PHF24: variants seen among roughly 807,000 people sequenced by gnomAD.
The protein encoded by PHF24 is PHD finger protein 24.
Under a neutral mutation model 42.6 loss-of-function variants are expected in PHF24, and 25 were observed. That is an observed-to-expected ratio of 0.59 (90% CI 0.43 to 0.82). PHF24 has a LOEUF of 0.82. PHF24 is among the 40% of genes least tolerant of loss of function. The pLI, the probability that PHF24 is intolerant of heterozygous loss-of-function variation, is 0.00. For missense variants in PHF24, 470 were observed against 538.1 expected (o/e 0.87, Z 1.25); for synonymous variants, 185 against 204.8 (o/e 0.90, Z 0.83).
At chr9:34,758,243 G>T in the PHF24 span, among the ~76,000 whole-genome samples, 1,859 of 152,260 alleles carry the variant, frequency 0.012, 29 homozygotes, top group African/African-American at 0.042. The surrounding 1 kb of genome is among the most constrained non-coding windows in gnomAD (Gnocchi z 4.4). Flanking sequence ...CCTTGGGCAG[G>T]AACAGGGTAA....
At chr9:34,725,904 C>T in the PHF24 span, 2 of 1,552,080 alleles carry the variant, frequency 1.3e-6, no homozygotes, top group Non-Finnish European at 1.7e-6. Flanking sequence ...ATGAAAGTGG[C>T]AACCAGGGAC....
the PHF24 span, among the ~76,000 whole-genome samples, chr9:34,733,121 A>T: frequency 6.6e-6 from 1 of 151,870 alleles, no homozygotes; most frequent in Non-Finnish European, 1.5e-5. Context: ...CAATTGTATG[A>T]ATTTGCACTC....
the PHF24 span, among the ~76,000 whole-genome samples, chr9:34,795,282 G>A: frequency 1.3e-5 from 2 of 151,700 alleles, no homozygotes; most frequent in South Asian, 4.2e-4. Context: ...ATGGACACCA[G>A]AAGAAAATGA....
the PHF24 span, among the ~76,000 whole-genome samples, chr9:34,907,288 C>G: frequency 1.3e-5 from 2 of 152,140 alleles, no homozygotes; most frequent in Non-Finnish European, 2.9e-5. Context: ...GACTTACTGC[C>G]CCTCAAAGGA....
the PHF24 span, chr9:34,709,273 G>T: frequency 8.4e-7 from 1 of 1,197,532 alleles, no homozygotes; most frequent in Non-Finnish European, 1.2e-6. Flanking sequence ...AGTGTGGCAA[G>T]GCCAGCATGG....
chr9:34,831,663 C>T, the PHF24 span, among the ~76,000 whole-genome samples: 1 of 152,132 alleles, frequency 6.6e-6, no homozygotes, highest in Admixed American at 6.5e-5. Context: ...GCATGAGAAT[C>T]AACTTTTGTC....
chr9:34,725,834 A>C, the PHF24 span: 1 of 1,551,306 alleles, frequency 6.4e-7, no homozygotes, highest in Non-Finnish European at 8.7e-7. Flanking sequence ...ATTGAAGAGA[A>C]AAGGATCCTT....
chr9:34,917,166 C>T, the PHF24 span: 2 of 1,352,804 alleles, frequency 1.5e-6, no homozygotes, highest in South Asian at 1.2e-5. Context: ...ACCCAGAACA[C>T]CTTCCACCAT....
the PHF24 span, among the ~76,000 whole-genome samples, chr9:34,886,834 G>GTATCTATGTATCTATCTATC: frequency 2.2e-4 from 33 of 148,810 alleles, no homozygotes; most frequent in African/African-American, 6.5e-4. Flanking sequence ...ATGTATCTAT[G>GTATCTATGTATCTATCTATC]TATCTATCTA....
the PHF24 span, among the ~76,000 whole-genome samples, chr9:34,667,047 C>T: frequency 2.0e-5 from 3 of 152,172 alleles, no homozygotes; most frequent in Non-Finnish European, 4.4e-5. Context: ...TAGTGAGATT[C>T]TTACTATAAA....
chr9:34,767,982 T>C, the PHF24 span, among the ~76,000 whole-genome samples: 1 of 152,224 alleles, frequency 6.6e-6, no homozygotes, highest in African/African-American at 2.4e-5. Flanking sequence ...TTCCATAATA[T>C]GCTTACCTTG....
upstream of PHF24, among the ~76,000 whole-genome samples, chr9:34,954,501 T>C (rs1826326444): frequency 6.6e-6 from 1 of 152,154 alleles, no homozygotes; most frequent in Non-Finnish European, 1.5e-5. Flanking sequence ...GAGATGTGTA[T>C]TGCAAGCAAA....
At chr9:34,935,607 A>AAAAG in the PHF24 span, among the ~76,000 whole-genome samples, 1 of 150,722 alleles carries the variant, frequency 6.6e-6, no homozygotes. Flanking sequence ...AAAAAAAAAA[A>AAAAG]AGAGAGAGAA....
the PHF24 span, among the ~76,000 whole-genome samples, chr9:34,845,422 C>T: frequency 1.3e-5 from 2 of 151,780 alleles, no homozygotes; most frequent in Non-Finnish European, 2.9e-5. Context: ...CTCTTGTTGT[C>T]GTCTGTTGAG....
the PHF24 span, among the ~76,000 whole-genome samples, chr9:34,818,324 G>A: frequency 1.3e-5 from 2 of 152,150 alleles, no homozygotes; most frequent in African/African-American, 4.8e-5. Context: ...TTCTGTAGAT[G>A]CCCTTTATCA....
the PHF24 span, among the ~76,000 whole-genome samples, chr9:34,799,354 G>C: frequency 6.6e-6 from 1 of 152,022 alleles, no homozygotes; most frequent in Non-Finnish European, 1.5e-5. Flanking sequence ...CTGTAAAATG[G>C]GTAAATTAAT....
chr9:34,766,200 G>A, the PHF24 span, among the ~76,000 whole-genome samples: 29,052 of 151,992 alleles, frequency 0.19, 3,196 homozygotes, highest in African/African-American at 0.29. Context: ...CTTCTCGAAT[G>A]GTATCTTTGT....
intron 1 of PHF24, among the ~76,000 whole-genome samples, chr9:34,967,003 C>T (rs778621742): frequency 1.3e-5 from 2 of 151,820 alleles, no homozygotes; most frequent in Admixed American, 6.6e-5. Flanking sequence ...CAGCTGCCCA[C>T]GTAGCTGGGA....
chr9:34,902,102 A>T, the PHF24 span, among the ~76,000 whole-genome samples: 1 of 152,216 alleles, frequency 6.6e-6, no homozygotes, highest in South Asian at 2.1e-4. Flanking sequence ...AGACAGAGTC[A>T]TGCGTAAATA....
Sources: gnomAD v4.1 joint callset for allele counts (sites outside exome capture counted in the v4.1 genomes callset) on GRCh38, gnomAD v4.1.1 for gene constraint, Gnocchi (gnomAD v3.1) non-coding constraint, MANE v1.5 for transcripts, NCBI Gene and HGNC (gene_info 2026-07-23, HGNC 2026-07-21) for gene names.